The following SLC4A4 variants were observed in gnomAD, a reference collection of about 807,000 sequenced individuals.
SLC4A4 encodes solute carrier family 4 member 4, also known as electrogenic sodium bicarbonate cotransporter 1.
In SLC4A4, 27 loss-of-function variants were observed where a neutral mutation model predicts 111.5. The observed-to-expected ratio is 0.24, with a 90% confidence interval of 0.18 to 0.33. SLC4A4 has a LOEUF of 0.33. Ranked by LOEUF, SLC4A4 falls within the 10% of genes least tolerant of loss-of-function variation. The pLI is 1.00. For missense variants in SLC4A4, 909 were observed against 1,315.5 expected (o/e 0.69, Z 4.78); for synonymous variants, 443 against 463.4 (o/e 0.96, Z 0.57).
intron 2 of SLC4A4, among the ~76,000 whole-genome samples, chr4:71,247,366 A>G (rs1473402505): frequency 6.7e-6 from 1 of 149,082 alleles, no homozygotes. Flanking sequence ...TAATATTTAT[A>G]TATTATATTA....
At chr4:71,176,620 G>A (rs1364674471) in intron 2 of SLC4A4, among the ~76,000 whole-genome samples, 1 of 152,124 alleles carries the variant, frequency 6.6e-6, no homozygotes, top group Non-Finnish European at 1.5e-5. Flanking sequence ...GAGAAGAGAA[G>A]TTTAGAGAAA....
chr4:71,550,211 A>G (rs921398488), intron 20 of SLC4A4, among the ~76,000 whole-genome samples: 4 of 152,000 alleles, frequency 2.6e-5, no homozygotes, highest in African/African-American at 7.2e-5. Context: ...TACACAACCT[A>G]TATTTAAAAA....
rs192138057 is a variant in SLC4A4, at chr4:71,175,411, G to A, written c.-1-61165G>A. Among the ~76,000 whole-genome samples the A allele has an allele frequency of 6.6e-5, 10 of 152,370 alleles. No individual in the cohort carries two copies. The South Asian group carries it at 1.9e-3, about 28-fold the overall frequency. On this transcript the variant is annotated intron_variant, in intron 2 of 26. Transcript: ENST00000649996. ...CTCACCCAGGAAGCGCAATGGGTCA[G>A]GGAATTCCCTTTCCTAGTCAAAGAA...
intron 6 of SLC4A4, among the ~76,000 whole-genome samples, chr4:71,396,205 A>G (rs1719811516): frequency 6.6e-6 from 1 of 152,164 alleles, no homozygotes; most frequent in Non-Finnish European, 1.5e-5. Context: ...CTGTGCTTAA[A>G]TTTTCCTAGA....
chr4:71,104,057 C>A lies in SLC4A4; in HGVS notation c.-2+11265C>A, dbSNP rs1272665260. Among the ~76,000 whole-genome samples the A allele has an allele frequency of 5.9e-5, 4 of 67,686 alleles. No homozygotes were observed. In the East Asian group the frequency reaches 1.5e-3, roughly 26 times the overall value. 44.4% of individuals were successfully genotyped at this position (67,686 alleles called of 152,430 possible). On this transcript the variant is annotated intron_variant, in intron 2 of 26. Transcript: ENST00000649996. ...AATAAAGAAAAAAAGAGAGAAGAAT[C>A]AAATAGACACAATAAAAAATGATAA...
intron 2 of SLC4A4, among the ~76,000 whole-genome samples, chr4:71,118,470 T>C (rs927546911): frequency 3.3e-5 from 5 of 152,184 alleles, no homozygotes; most frequent in Non-Finnish European, 7.4e-5. Context: ...AATGTTTATT[T>C]AGATTTATGT....
At position 71,092,471 on chromosome 4, in the gene SLC4A4, G is replaced by A. The variant is rs143527669; in HGVS notation, c.-64-259G>A. On this transcript the variant is annotated intron_variant, in intron 1 of 26. Transcript: ENST00000649996. ...AGAAGTTCATAAGGAGATATTTGTC[G>A]AGACAGTTTCCTATACATTTTCTAG... 1.6e-3 allele frequency among the ~76,000 whole-genome samples: 239 copies of A among 152,204 alleles called. 1 individual carries two copies. The highest frequency in any genetic ancestry group is 4.7e-3 in the African/African-American group (197 of 41,522).
chr4:71,390,173 G>A (rs747893391), intron 6 of SLC4A4, among the ~76,000 whole-genome samples: 8 of 152,048 alleles, frequency 5.3e-5, no homozygotes, highest in Non-Finnish European at 4.4e-5. Flanking sequence ...TAGGAAACTG[G>A]TCTGACAGAA....
At chr4:71,505,928 C>A (rs935532439) in intron 16 of SLC4A4, among the ~76,000 whole-genome samples, 10 of 152,104 alleles carry the variant, frequency 6.6e-5, no homozygotes, top group Admixed American at 3.3e-4. Flanking sequence ...GTTCTCTTGG[C>A]ACCATTTATT....
intron 3 of SLC4A4, among the ~76,000 whole-genome samples, chr4:71,270,667 A>T (rs1722642917): frequency 6.6e-6 from 1 of 152,250 alleles, no homozygotes; most frequent in Admixed American, 6.5e-5. Flanking sequence ...TCTGACTCAC[A>T]TTATTAGTAT....
chr4:71,260,827 G>A (rs1044714353), intron 3 of SLC4A4, among the ~76,000 whole-genome samples: 1 of 152,098 alleles, frequency 6.6e-6, no homozygotes, highest in Non-Finnish European at 1.5e-5. Context: ...GGGGATGATC[G>A]ATTTTAATCA....
At chr4:71,505,100 T>C (rs1731289360) in intron 16 of SLC4A4, among the ~76,000 whole-genome samples, 2 of 152,186 alleles carry the variant, frequency 1.3e-5, no homozygotes, top group Admixed American at 1.3e-4. Flanking sequence ...ATGGTGTATA[T>C]GTACCACATT....
Position 71,189,164 on chromosome 4 carries a change from A to G in SLC4A4, c.-2+1763A>G, listed in dbSNP as rs567134780. Among the ~76,000 whole-genome samples the G allele has an allele frequency of 2.6e-5, 4 of 152,286 alleles. No homozygotes were observed. In the South Asian group the frequency reaches 8.3e-4, roughly 32 times the overall value. On this transcript the variant is annotated intron_variant, in intron 1 of 25. Coordinates refer to ENST00000264485, the MANE Select transcript of SLC4A4 (RefSeq NM_001098484.3). Reference sequence around the variant, plus strand: ...CATGTTAAAAAAACTGAAAACTAAGAAACCCCCAACATTTTGGATTTAAGT... The same window carrying G: ...CATGTTAAAAAAACTGAAAACTAAGGAACCCCCAACATTTTGGATTTAAGT...
intron 3 of SLC4A4, among the ~76,000 whole-genome samples, chr4:71,299,441 TGGGAGCTG>T (rs1360871035): frequency 2.6e-5 from 4 of 152,202 alleles, no homozygotes; most frequent in Non-Finnish European, 1.5e-5. Flanking sequence ...CCCAGGCTGT[TGGGAGCTG>T]GGAGACTGCT....
Position 71,452,838 on chromosome 4 carries a change from C to G in SLC4A4, c.1323-657C>G, listed in dbSNP as rs148237953. ...TTCTTGGAGACCTTTTCTGGCCACT[C>G]TATCTAAAATTTCAACCACCTTTTT... On this transcript the variant is annotated intron_variant, in intron 11 of 25. Transcript: ENST00000264485. 8.1e-4 allele frequency among the ~76,000 whole-genome samples: 123 copies of G among 152,270 alleles called. 1 individual carries two copies. The East Asian group carries it at 0.018, about 22-fold the overall frequency.
intron 4 of SLC4A4, among the ~76,000 whole-genome samples, chr4:71,340,105 T>A (rs1188873435): frequency 2.6e-5 from 4 of 151,202 alleles, no homozygotes; most frequent in African/African-American, 9.7e-5. Context: ...ATGCCTGTGG[T>A]CCCAGCTACT....
rs955873017 is a variant in SLC4A4 at position 71,291,791 on chromosome 4, TAA to T, written c.253+36395_253+36396del. Reference sequence around the variant, plus strand: ...TTAAAATTCTCTTTGCTGTATTTTTTAAAAGAGTGAAAATGTACTTTACAATT... The same window carrying T: ...TTAAAATTCTCTTTGCTGTATTTTTTAAGAGTGAAAATGTACTTTACAATT... On this transcript the variant is annotated intron_variant, in intron 3 of 25. Transcript: ENST00000264485. 8.5e-5 allele frequency among the ~76,000 whole-genome samples: 13 copies of T among 152,374 alleles called. No homozygotes were observed. The East Asian group carries it at 9.6e-4, about 11-fold the overall frequency.
At chr4:71,122,959 A>C (rs1257136689) in intron 2 of SLC4A4, among the ~76,000 whole-genome samples, 1 of 151,916 alleles carries the variant, frequency 6.6e-6, no homozygotes, top group Non-Finnish European at 1.5e-5. Context: ...GAATCTTAAA[A>C]CTCTCATCTC....
intron 19 of SLC4A4, 33 bp from the exon 20 acceptor site, chr4:71,547,615 A>G (rs533112055): frequency 1.0e-5 from 16 of 1,544,122 alleles, no homozygotes; most frequent in African/African-American, 1.4e-5. Flanking sequence ...TGAAGACAAG[A>G]GGTAGATTGG....
Sources: gnomAD v4.1 joint callset for allele counts (sites outside exome capture counted in the v4.1 genomes callset) on GRCh38, gnomAD v4.1.1 for gene constraint, MANE v1.5 for transcripts, NCBI Gene and HGNC (gene_info 2026-07-23, HGNC 2026-07-21) for gene names.